VEPH1: variants seen among roughly 807,000 people sequenced by gnomAD.
VEPH1 encodes ventricular zone-expressed PH domain-containing protein homolog 1.
A neutral mutation model predicts 85.2 loss-of-function variants in VEPH1; 80 were observed. That is an observed-to-expected ratio of 0.94 (90% confidence interval 0.78 to 1.13). VEPH1 has a LOEUF of 1.13. Ranked by LOEUF, VEPH1 falls within the 50% of genes most tolerant of loss-of-function variation. The pLI is 0.00. For synonymous variants in VEPH1, 297 were observed against 348.0 expected (o/e 0.85, Z 1.63); for missense variants, 955 against 980.5 (o/e 0.97, Z 0.35).
chr3:157,498,598 G>A (rs1165769739), intron 1 of VEPH1, among the ~76,000 whole-genome samples: 7 of 150,392 alleles, frequency 4.7e-5, no homozygotes, highest in Middle Eastern at 7.0e-3. Flanking sequence ...ATTCATGACT[G>A]TGTGAGATAA....
intron 9 of VEPH1, among the ~76,000 whole-genome samples, chr3:157,324,540 G>A (rs1293057228): frequency 6.6e-6 from 1 of 151,984 alleles, no homozygotes; most frequent in Non-Finnish European, 1.5e-5. Flanking sequence ...TTCCCTCTAT[G>A]TGTTCTCATA....
intron 2 of VEPH1, among the ~76,000 whole-genome samples, chr3:157,492,675 A>G (rs1430093404): frequency 6.6e-6 from 1 of 152,198 alleles, no homozygotes; most frequent in Non-Finnish European, 1.5e-5. Context: ...AGTACAAAGT[A>G]AGATTTCATC....
At chr3:157,380,892 A>G (rs1406745221) in intron 7 of VEPH1, among the ~76,000 whole-genome samples, 1 of 152,260 alleles carries the variant, frequency 6.6e-6, no homozygotes, top group Non-Finnish European at 1.5e-5. Context: ...GAGTAAATAA[A>G]CGGGTGCTAT....
In VEPH1 at chr3:157,438,031, G is replaced by GCACACACA. The variant is rs1213951055; in HGVS notation, c.530-9544_530-9543insTGTGTGTG. ...AAGCTTTCATGGGAAGCGCGCGCGCGCGCGCGCACACACACACACACACAC... is the reference window on the plus strand; with the variant it reads ...AAGCTTTCATGGGAAGCGCGCGCGCGCACACACACGCGCGCACACACACACACACACAC... On this transcript the variant is annotated intron_variant, in intron 4 of 13. Transcript: ENST00000362010. The GCACACACA allele has an allele frequency of 7.4e-5, 61 of 820,276 alleles. No individual in the cohort carries two copies. In the African/African-American group the frequency reaches 1.2e-3, roughly 17 times the overall value. The allele number at this position is 820,276 out of a possible 1,614,324, so 50.8% of individuals were successfully genotyped here. A position where few individuals can be genotyped will look rare whatever the true frequency, so the allele number is the denominator to read the frequency against.
chr3:157,369,180 G>GAAAAAAAAAAAAAC (rs1727124343), intron 7 of VEPH1, among the ~76,000 whole-genome samples: 1 of 42,780 alleles, frequency 2.3e-5, no homozygotes, highest in African/African-American at 8.4e-5. Flanking sequence ...AAAACCAAAT[G>GAAAAAAAAAAAAAC]AAAAAAAAAA....
At chr3:157,271,262 C>T (rs1194029030) in intron 12 of VEPH1, among the ~76,000 whole-genome samples, 1 of 152,086 alleles carries the variant, frequency 6.6e-6, no homozygotes, top group Admixed American at 6.5e-5. Flanking sequence ...TAAGAAAGGG[C>T]CTAGAGCCTG....
chr3:157,464,810 C>A (rs368253302), intron 3 of VEPH1, among the ~76,000 whole-genome samples: 1 of 152,018 alleles, frequency 6.6e-6, no homozygotes, highest in South Asian at 2.1e-4. Flanking sequence ...GGCTCTTAGG[C>A]CTTGAATTCA....
chr3:157,306,622 TA>T (rs1365192661), intron 11 of VEPH1, among the ~76,000 whole-genome samples: 1 of 152,056 alleles, frequency 6.6e-6, no homozygotes, highest in East Asian at 1.9e-4. Context: ...AGTATTTCTG[TA>T]CATGTTTTCT....
At chr3:157,367,883 T>TTCTG (rs1726911400) in intron 7 of VEPH1, among the ~76,000 whole-genome samples, 2 of 152,200 alleles carry the variant, frequency 1.3e-5, no homozygotes, top group Non-Finnish European at 2.9e-5. Context: ...ATTTTTTTCT[T>TTCTG]TCTGTCTAAA....
intron 2 of VEPH1, among the ~76,000 whole-genome samples, chr3:157,493,479 T>C (rs1398982121): frequency 6.6e-6 from 1 of 152,170 alleles, no homozygotes. Context: ...GCTGCTGGCA[T>C]TGGTAACCTC....
At chr3:157,431,517 G>A (rs1733148230) in intron 4 of VEPH1, among the ~76,000 whole-genome samples, 1 of 151,674 alleles carries the variant, frequency 6.6e-6, no homozygotes, top group Non-Finnish European at 1.5e-5. Flanking sequence ...TGATTGTATT[G>A]GGTTTAACTG....
At chr3:157,481,936 C>A (rs565881686) in intron 2 of VEPH1, among the ~76,000 whole-genome samples, 2 of 152,096 alleles carry the variant, frequency 1.3e-5, no homozygotes, top group Non-Finnish European at 2.9e-5. Context: ...TTGACTTTGT[C>A]AAAACATTGC....
At chr3:157,357,870 C>G (rs560002749) in intron 9 of VEPH1, among the ~76,000 whole-genome samples, 1 of 152,240 alleles carries the variant, frequency 6.6e-6, no homozygotes, top group East Asian at 1.9e-4. Flanking sequence ...TAAAGAAGAG[C>G]TTTTAAAAAT....
At chr3:157,500,942 T>C (rs1386791328) in intron 1 of VEPH1, among the ~76,000 whole-genome samples, 2 of 152,158 alleles carry the variant, frequency 1.3e-5, no homozygotes, top group Non-Finnish European at 2.9e-5. Context: ...TATGGGTTGT[T>C]GGGAGGTTTA....
At chr3:157,369,193 A>AAACAAAAAAAAAAAAAAAAC (rs1560001295) in intron 7 of VEPH1, among the ~76,000 whole-genome samples, 1 of 140,572 alleles carries the variant, frequency 7.1e-6, no homozygotes, top group Non-Finnish European at 1.6e-5. Flanking sequence ...AAAAAAAAAA[A>AAACAAAAAAAAAAAAAAAAC]AAAAAAAAAA....
intron 9 of VEPH1, 116 bp from the exon 10 acceptor site, chr3:157,317,317 G>T: frequency 1.1e-6 from 1 of 921,346 alleles, no homozygotes; most frequent in Non-Finnish European, 1.5e-6. Context: ...CAAACTGTGA[G>T]CTAATAACTA....
Position 157,497,478 on chromosome 3 carries a change from C to T in VEPH1, c.-157-1972G>A, listed in dbSNP as rs942590232. Among the ~76,000 whole-genome samples the T allele has an allele frequency of 4.6e-5, 7 of 152,102 alleles. No individual in the cohort carries two copies. The East Asian group carries it at 1.3e-3, about 29-fold the overall frequency. On this transcript the variant is annotated intron_variant, in intron 1 of 13. Transcript: ENST00000362010. Reference sequence around the variant, plus strand: ...TAAGGAAAATCAGCACAGTGTTTTCCTACATTTTTCTCTTAACACATTTTC... The same window carrying T: ...TAAGGAAAATCAGCACAGTGTTTTCTTACATTTTTCTCTTAACACATTTTC...
At chr3:157,405,683 A>G (rs1731088716) in intron 6 of VEPH1, among the ~76,000 whole-genome samples, 2 of 152,180 alleles carry the variant, frequency 1.3e-5, no homozygotes, top group Admixed American at 1.3e-4. Flanking sequence ...TTCCCCTGAC[A>G]TAACCCTATC....
At chr3:157,316,548 G>A (rs904642149) in intron 10 of VEPH1, among the ~76,000 whole-genome samples, 25 of 149,676 alleles carry the variant, frequency 1.7e-4, no homozygotes, top group Non-Finnish European at 1.5e-5. Flanking sequence ...TTTCAAATAA[G>A]AATCTCTTTT....
Sources: gnomAD v4.1 joint callset for allele counts (sites outside exome capture counted in the v4.1 genomes callset) on GRCh38, gnomAD v4.1.1 for gene constraint, MANE v1.5 for transcripts, NCBI Gene and HGNC (gene_info 2026-07-23, HGNC 2026-07-21) for gene names.